Variants in ABCD3 observed in about 807,000 individuals in gnomAD.
ABCD3 encodes ATP-binding cassette sub-family D member 3.
A neutral mutation model predicts 105.5 loss-of-function variants in ABCD3; 41 were observed. The observed-to-expected ratio is 0.39, with a 90% CI of 0.30 to 0.50. The LOEUF is 0.50. Ranked by LOEUF, ABCD3 falls within the 20% of genes least tolerant of loss-of-function variation. The pLI, the probability that ABCD3 is intolerant of heterozygous loss-of-function variation, is 0.84. For missense variants in ABCD3, 622 were observed against 806.3 expected, an observed-to-expected ratio of 0.77 and a Z score of 2.77; for synonymous variants, 258 against 269.0, an observed-to-expected ratio of 0.96 and a Z score of 0.40.
intron 1 of ABCD3, among the ~76,000 whole-genome samples, chr1:94,424,504 C>A (rs1659390349): frequency 6.6e-6 from 1 of 152,082 alleles, no homozygotes; most frequent in Non-Finnish European, 1.5e-5. Context: ...ATCATTGCAA[C>A]CTTTGCCACC....
chr1:94,430,948 C>T (rs1482141046), intron 1 of ABCD3, among the ~76,000 whole-genome samples: 1 of 152,168 alleles, frequency 6.6e-6, no homozygotes, highest in Non-Finnish European at 1.5e-5. Flanking sequence ...TCATTAGTGT[C>T]ATATTTTATT....
chr1:94,408,693 A>AATT, the ABCD3 span, among the ~76,000 whole-genome samples: 3 of 152,334 alleles, frequency 2.0e-5, no homozygotes, highest in East Asian at 5.8e-4. Context: ...CAGAAGAGCT[A>AATT]AGCTAGGACC....
At chr1:94,413,230 C>A in the ABCD3 span, among the ~76,000 whole-genome samples, 1 of 151,674 alleles carries the variant, frequency 6.6e-6, no homozygotes, top group Non-Finnish European at 1.5e-5. Context: ...AAAATTCATT[C>A]TTTGAGCAAT....
At chr1:94,429,952 C>A (rs1659612061) in intron 1 of ABCD3, among the ~76,000 whole-genome samples, 1 of 152,250 alleles carries the variant, frequency 6.6e-6, no homozygotes, top group Non-Finnish European at 1.5e-5. Flanking sequence ...ACATTCAATG[C>A]CAGCCCGTGA....
chr1:94,387,675 G>C, the ABCD3 span, among the ~76,000 whole-genome samples: 2 of 152,122 alleles, frequency 1.3e-5, no homozygotes, highest in Non-Finnish European at 2.9e-5. Context: ...GTTGTGGGAG[G>C]AAAATAGCAA....
intron 2 of ABCD3, among the ~76,000 whole-genome samples, chr1:94,461,793 G>GTATA (rs1647885430): frequency 6.6e-6 from 1 of 152,112 alleles, no homozygotes; most frequent in African/African-American, 2.4e-5. Context: ...CTAAGCATAT[G>GTATA]TGCAGGTATA....
chr1:94,483,021 A>G lies in ABCD3; in HGVS notation c.828-149A>G, dbSNP rs1649099407. The G allele has an allele frequency of 1.2e-5, 8 of 659,994 alleles. No individual in the cohort carries two copies. In the East Asian group the frequency reaches 1.4e-4, roughly 11 times the overall value. The allele number at this position is 659,994 out of a possible 1,614,324, so 40.9% of individuals were successfully genotyped here. ...CTGAGCTAGGAACAGAATCTCAGGT[A>G]TAGACTGTGGCTTGAGATGCACCAG... On this transcript the variant is annotated intron_variant, in intron 9 of 22. Transcript: ENST00000370214.
At chr1:94,479,655 G>A (rs1315331351) in intron 8 of ABCD3, among the ~76,000 whole-genome samples, 1 of 152,062 alleles carries the variant, frequency 6.6e-6, no homozygotes, top group East Asian at 1.9e-4. Flanking sequence ...GAGCTACTTT[G>A]GGGAGGTAAG....
At chr1:94,387,829 C>A in the ABCD3 span, among the ~76,000 whole-genome samples, 1 of 152,104 alleles carries the variant, frequency 6.6e-6, no homozygotes, top group Non-Finnish European at 1.5e-5. Flanking sequence ...GAATGATGGC[C>A]TCCCAACTTT....
chr1:94,483,571 G>A (rs1649128524), intron 10 of ABCD3, among the ~76,000 whole-genome samples: 2 of 152,108 alleles, frequency 1.3e-5, no homozygotes, highest in Non-Finnish European at 2.9e-5. Context: ...AAATGGTGCT[G>A]GGAAAACTGG....
intron 8 of ABCD3, chr1:94,478,554 C>G (rs202056055): frequency 6.3e-7 from 1 of 1,597,562 alleles, no homozygotes; most frequent in Non-Finnish European, 8.5e-7. Context: ...GCATTAAAAA[C>G]CAGACAAATG....
At chr1:94,491,686 G>A (rs748062513) in intron 16 of ABCD3, among the ~76,000 whole-genome samples, 3 of 152,014 alleles carry the variant, frequency 2.0e-5, no homozygotes, top group South Asian at 2.1e-4. Flanking sequence ...GCACAGTAGC[G>A]CTACAAATAG....
chr1:94,415,256 C>T (rs113793372), upstream of ABCD3, among the ~76,000 whole-genome samples: 106 of 152,244 alleles, frequency 7.0e-4, no homozygotes, highest in African/African-American at 2.5e-3. Context: ...ATTAGGACAC[C>T]ATGATCACCA....
intron 16 of ABCD3, among the ~76,000 whole-genome samples, chr1:94,494,996 G>A (rs888373404): frequency 6.6e-6 from 1 of 152,084 alleles, no homozygotes; most frequent in Non-Finnish European, 1.5e-5. Flanking sequence ...TGGGAGGATC[G>A]CTTGTGCCAG....
chr1:94,462,340 G>A (rs904292014), intron 2 of ABCD3, among the ~76,000 whole-genome samples: 3 of 152,114 alleles, frequency 2.0e-5, no homozygotes, highest in Non-Finnish European at 2.9e-5. Flanking sequence ...GTAATATTAT[G>A]TACTGCCTCT....
intron 1 of ABCD3, among the ~76,000 whole-genome samples, chr1:94,452,813 C>A (rs943756713): frequency 1.3e-5 from 2 of 151,708 alleles, no homozygotes; most frequent in Non-Finnish European, 2.9e-5. Flanking sequence ...CTCAGCTCAC[C>A]GCAACTTCCG....
At chr1:94,480,291 T>C (rs567265486) in intron 8 of ABCD3, 173 bp from the exon 9 acceptor site, 2 of 682,118 alleles carry the variant, frequency 2.9e-6, no homozygotes, top group Admixed American at 5.2e-5. Flanking sequence ...GTAGTAAAAG[T>C]GTAGAGGCTA....
intron 10 of ABCD3, among the ~76,000 whole-genome samples, chr1:94,487,209 T>G (rs1649316838): frequency 6.6e-6 from 1 of 152,190 alleles, no homozygotes; most frequent in African/African-American, 2.4e-5. Flanking sequence ...TTCGTTGTTG[T>G]CCTCTTTTGG....
Position 94,458,662 on chromosome 1 carries a change from T to A in ABCD3, c.147+19T>A, listed in dbSNP as rs1368747432. ...CAATGAGGTAAAAGTTTAAATCATCTTCTTTTTGGGATTTCATGCATTTAT... is the reference window on the plus strand; with the variant it reads ...CAATGAGGTAAAAGTTTAAATCATCATCTTTTTGGGATTTCATGCATTTAT... On this transcript the variant is annotated intron_variant, in intron 2 of 22. Coordinates refer to ENST00000370214, the MANE Select transcript of ABCD3 (RefSeq NM_002858.4). 18 of 1,605,774 alleles carry A rather than the reference T, an allele frequency of 1.1e-5. No homozygotes were observed. The highest frequency in any genetic ancestry group is 2.2e-5 in the East Asian group (1 of 44,722).
Sources: allele counts gnomAD v4.1 joint callset (sites outside exome capture counted in the v4.1 genomes callset), GRCh38; gene constraint gnomAD v4.1.1; transcripts MANE v1.5; gene names NCBI Gene and HGNC (gene_info 2026-07-23, HGNC 2026-07-21).